Variants in NPLOC4 observed in about 807,000 individuals in gnomAD.
NPLOC4 encodes NPL4 homolog, ubiquitin recognition factor.
A neutral mutation model predicts 80.6 loss-of-function variants in NPLOC4; 18 were observed. That is an observed-to-expected ratio of 0.22 (90% CI 0.15 to 0.33). The LOEUF is 0.33. NPLOC4 is among the 10% of genes least tolerant of loss of function. The probability of loss-of-function intolerance (pLI) is 1.00; values close to 1 mark genes in which losing one functional copy is unlikely to be tolerated. For missense variants in NPLOC4, 540 were observed against 786.1 expected, an observed-to-expected ratio of 0.69 and a Z score of 3.74; for synonymous variants, 313 against 301.5, an observed-to-expected ratio of 1.04 and a Z score of -0.39.
chr17:81,569,850 A>C (rs1243125552), intron 13 of NPLOC4, among the ~76,000 whole-genome samples: 1 of 152,182 alleles, frequency 6.6e-6, no homozygotes, highest in African/African-American at 2.4e-5. Context: ...GACAGTGGTA[A>C]ATGTGCAAGA....
chr17:81,594,464 G>C (rs990139707), intron 11 of NPLOC4, among the ~76,000 whole-genome samples: 1 of 151,882 alleles, frequency 6.6e-6, no homozygotes, highest in Non-Finnish European at 1.5e-5. Context: ...AACACAGCAA[G>C]ACTTCATTTC....
chr17:81,578,804 G>A (rs898274685), intron 12 of NPLOC4, among the ~76,000 whole-genome samples: 11 of 152,180 alleles, frequency 7.2e-5, no homozygotes, highest in Non-Finnish European at 1.5e-4. Context: ...TGTGGGTGTG[G>A]ACACAAAGCC....
chr17:81,559,235 C>T lies in NPLOC4; in HGVS notation c.*24G>A, dbSNP rs1285792228. 1 of 1,583,690 alleles carries T rather than the reference C, an allele frequency of 6.3e-7. No individual in the cohort carries two copies. The highest frequency in any genetic ancestry group is 8.6e-7 in the Non-Finnish European group (1 of 1,166,278). On this transcript the variant is annotated 3_prime_UTR_variant, in exon 17 of 17. Transcript: ENST00000331134. ...CAGGAAGGGCTGGGCTGGGCCCGGT[C>T]CTAGCCAGCAGAGGGCAGGCGCCCT...
rs1417055034 is a variant in NPLOC4, at chr17:81,580,992, C to T, written c.1281+7952G>A. ...AATCCCCAGTGGCCCTGGGCCAGCC[C>T]ACCCGTGGGCTTATGCCCGTCAGAC... On this transcript the variant is annotated intron_variant, in intron 12 of 16. Transcript: ENST00000331134. This position sits in a 1 kb window ranked among gnomAD's most constrained non-coding sequence, Gnocchi z 4.4. Among the ~76,000 whole-genome samples, 1 of 152,182 alleles carries T rather than the reference C, an allele frequency of 6.6e-6. No individual in the cohort carries two copies. Among genetic ancestry groups the T allele is most frequent in the Non-Finnish European group, 1.5e-5 (1 of 68,030 alleles).
At chr17:81,606,111 C>T (rs1259262646) in intron 7 of NPLOC4, among the ~76,000 whole-genome samples, 1 of 151,942 alleles carries the variant, frequency 6.6e-6, no homozygotes, top group African/African-American at 2.4e-5. Flanking sequence ...TGTGAGCCAC[C>T]TTGCCCGGCC....
At chr17:81,619,497 C>T (rs2035603928) in intron 3 of NPLOC4, among the ~76,000 whole-genome samples, 1 of 146,624 alleles carries the variant, frequency 6.8e-6, no homozygotes, top group South Asian at 2.2e-4. Context: ...TTGTGGTGAG[C>T]TGAGACCATG....
Position 81,606,809 on chromosome 17 carries a change from T to C in NPLOC4, c.536A>G (p.Lys179Arg), listed in dbSNP as rs2035215837. 1.9e-6 allele frequency: 3 copies of C among 1,606,416 alleles called. No individual in the cohort carries two copies. Among genetic ancestry groups the C allele is most frequent in the South Asian group, 1.1e-5 (1 of 90,660 alleles). Residue 179 changes from lysine to arginine, a missense_variant, in exon 7 of 17, where the codon AAG (lysine) becomes AGG (arginine). This residue lies in a region of NPLOC4 where 61 missense variants were observed against 156.7 expected (regional missense o/e 0.39). Transcript: ENST00000331134. ...RKLTGGADKG[K>R]FVALENISCK... ...GCTGATGTTCTCCAGGGCAACAAAC[T>C]TCCCCCTACATAGAAGAGAAGCAAC... is the stretch of plus-strand genomic sequence containing the variant.
At chr17:81,575,495 G>C (rs566707477) in intron 12 of NPLOC4, among the ~76,000 whole-genome samples, 31 of 152,276 alleles carry the variant, frequency 2.0e-4, no homozygotes, top group African/African-American at 7.0e-4. Flanking sequence ...ATTTCTCAGG[G>C]GCCAGCTGTG....
In NPLOC4 at chr17:81,635,591, G is replaced by A. The variant is rs141104570; in HGVS notation, c.15+1325C>T. 2.5e-4 allele frequency among the ~76,000 whole-genome samples: 38 copies of A among 152,194 alleles called. 1 individual carries two copies. In the East Asian group the frequency reaches 7.1e-3, roughly 29 times the overall value. ...GTCGCCCAGGGTGGAGTCCAGTGAC[G>A]CCACCTAGGCTCACTATGTTGTCCA... is the stretch of plus-strand genomic sequence containing the variant. On this transcript the variant is annotated intron_variant, in intron 1 of 16. Transcript: ENST00000331134.
chr17:81,618,869 C>A (rs528378411), intron 3 of NPLOC4, among the ~76,000 whole-genome samples: 76 of 152,252 alleles, frequency 5.0e-4, no homozygotes, highest in African/African-American at 1.7e-3. Flanking sequence ...AAGAAAAATT[C>A]TTCTGCCTTG....
At chr17:81,573,099 A>T (rs1411881961) in intron 12 of NPLOC4, among the ~76,000 whole-genome samples, 2 of 152,240 alleles carry the variant, frequency 1.3e-5, no homozygotes, top group Admixed American at 6.5e-5. Flanking sequence ...AAATAAATTC[A>T]TAAGAACCAA....
intron 8 of NPLOC4, among the ~76,000 whole-genome samples, chr17:81,602,936 TATATATACACACAC>T (rs1242715362): frequency 2.7e-5 from 4 of 148,016 alleles, no homozygotes; most frequent in Non-Finnish European, 4.4e-5. Context: ...CACACACATA[TATATATACACACAC>T]ATATATATAC....
intron 12 of NPLOC4, among the ~76,000 whole-genome samples, chr17:81,586,713 G>A (rs1054201606): frequency 6.6e-6 from 1 of 152,118 alleles, no homozygotes; most frequent in Admixed American, 6.5e-5. Flanking sequence ...TGGACAGACT[G>A]TATCTCCCAG....
At position 81,627,089 on chromosome 17, in the gene NPLOC4, CAAAA is replaced by C. The variant is rs879270535; in HGVS notation, c.96+2632_96+2635del. Among the ~76,000 whole-genome samples the C allele has an allele frequency of 2.5e-4, 31 of 124,202 alleles. No homozygotes were observed. In the East Asian group the frequency reaches 7.5e-3, roughly 30 times the overall value. 81.5% of individuals were successfully genotyped at this position (124,202 alleles called of 152,430 possible). The stretch of plus-strand genomic sequence containing the variant: ...TGGGCGACACAATGAGACTTCGTCT[CAAAA>C]AAAAAAAAGAAAAAGGGCCAGGTGT... On this transcript the variant is annotated intron_variant, in intron 2 of 16. Transcript: ENST00000331134.
chr17:81,584,072 G>C (rs1359927295), intron 12 of NPLOC4, among the ~76,000 whole-genome samples: 1 of 152,194 alleles, frequency 6.6e-6, no homozygotes, highest in East Asian at 1.9e-4. Flanking sequence ...TTTATTGCCA[G>C]AGACAACAAC....
rs1216157250 is a variant in NPLOC4 at position 81,619,878 on chromosome 17, C to CA, written c.209+2287dup. On this transcript the variant is annotated intron_variant, in intron 3 of 16. Transcript: ENST00000331134. ...TGGGCAACAGATTGAGACTCCGTCT[C>CA]AAAAAAAAAAAAAAGGTGGGGGTAC... 8.6e-3 allele frequency among the ~76,000 whole-genome samples: 1,023 copies of CA among 118,822 alleles called. 13 individuals are homozygous for CA. Among genetic ancestry groups the CA allele is most frequent in the South Asian group, 0.05 (183 of 3,682 alleles). The allele number at this position is 118,822 out of a possible 152,430, so 78.0% of individuals were successfully genotyped here.
chr17:81,636,851 G>T, intron 1 of NPLOC4, 65 bp downstream of exon 1: 1 of 1,371,364 alleles, frequency 7.3e-7, no homozygotes, highest in South Asian at 1.6e-5. Context: ...TCCCCCACAG[G>T]CCGAGGCCGG....
intron 11 of NPLOC4, among the ~76,000 whole-genome samples, chr17:81,594,770 C>T (rs1396652168): frequency 1.3e-5 from 2 of 148,796 alleles, no homozygotes; most frequent in Non-Finnish European, 3.0e-5. Flanking sequence ...GAGACTCCGT[C>T]TCTAGGGAAA....
rs148128404 is a variant in NPLOC4 at position 81,613,900 on chromosome 17, T to C, written c.210-406A>G. Among the ~76,000 whole-genome samples, 55 of 152,152 alleles carry C rather than the reference T, an allele frequency of 3.6e-4. 1 individual carries two copies. The East Asian group carries it at 0.01, about 29-fold the overall frequency. ...TCTCCTCCCCCAACACTGCATGTGC[T>C]GGTTGCATGTATCTCCACTGCTTTC... On this transcript the variant is annotated intron_variant, in intron 3 of 16. Transcript: ENST00000331134.
Sources: allele counts gnomAD v4.1 joint callset (sites outside exome capture counted in the v4.1 genomes callset), GRCh38; gene constraint gnomAD v4.1.1; regional missense constraint gnomAD v4.1.1; non-coding constraint Gnocchi (gnomAD v3.1); transcripts MANE v1.5; gene names NCBI Gene and HGNC (gene_info 2026-07-23, HGNC 2026-07-21).